SORCS1: variants seen among roughly 807,000 people sequenced by gnomAD.
SORCS1 encodes sortilin related VPS10 domain containing receptor 1.
In SORCS1, 60 loss-of-function variants were observed where a neutral mutation model predicts 146.1. The observed-to-expected ratio is 0.41, with a 90% CI of 0.33 to 0.51. SORCS1 has a LOEUF of 0.51. Among genes scored for constraint, SORCS1 ranks in the 20% least tolerant of loss-of-function variants. The pLI, the probability that SORCS1 is intolerant of heterozygous loss-of-function variation, is 0.21. For missense variants in SORCS1, 1,352 were observed against 1,487.6 expected (o/e 0.91, Z 1.50); for synonymous variants, 637 against 584.0 (o/e 1.09, Z -1.31).
intron 12 of SORCS1, among the ~76,000 whole-genome samples, chr10:106,678,560 A>G (rs1246043067): frequency 6.6e-6 from 1 of 152,218 alleles, no homozygotes; most frequent in Non-Finnish European, 1.5e-5. Context: ...AAACGTCAGT[A>G]GGTTATTAAA....
At chr10:106,996,103 G>A (rs1325188134) in intron 1 of SORCS1, among the ~76,000 whole-genome samples, 1 of 151,904 alleles carries the variant, frequency 6.6e-6, no homozygotes, top group Non-Finnish European at 1.5e-5. Context: ...AGCCAGGCAT[G>A]GTGGCCTGTA....
chr10:106,932,088 G>A (rs1015963784), intron 2 of SORCS1, among the ~76,000 whole-genome samples: 1 of 152,134 alleles, frequency 6.6e-6, no homozygotes, highest in Admixed American at 6.5e-5. Flanking sequence ...ATGGGGAAAG[G>A]TGTCAAGCAG....
chr10:107,031,385 T>C (rs768526301), intron 1 of SORCS1, among the ~76,000 whole-genome samples: 2 of 152,096 alleles, frequency 1.3e-5, no homozygotes, highest in Non-Finnish European at 2.9e-5. Context: ...AAATTAGCAA[T>C]CTGAAAGCAA....
intron 17 of SORCS1, among the ~76,000 whole-genome samples, chr10:106,660,770 C>T (rs1410672813): frequency 2.0e-5 from 3 of 151,754 alleles, no homozygotes; most frequent in South Asian, 4.2e-4. Flanking sequence ...AAAAAAGTCC[C>T]CATTGCATAT....
At chr10:106,876,157 C>A (rs1439709726) in intron 2 of SORCS1, among the ~76,000 whole-genome samples, 2 of 152,112 alleles carry the variant, frequency 1.3e-5, no homozygotes, top group Admixed American at 6.6e-5. Flanking sequence ...CAGGCAATTG[C>A]TGAAGCATTC....
intron 1 of SORCS1, among the ~76,000 whole-genome samples, chr10:107,091,659 G>A (rs948891078): frequency 2.6e-5 from 4 of 152,146 alleles, no homozygotes; most frequent in Non-Finnish European, 5.9e-5. Context: ...AAGTCACCGA[G>A]ATTCAATCAT....
chr10:107,178,274 C>G, the SORCS1 span, among the ~76,000 whole-genome samples: 1 of 152,140 alleles, frequency 6.6e-6, no homozygotes, highest in African/African-American at 2.4e-5. Context: ...ACCCATTAAC[C>G]AACCTCGCTT....
At chr10:107,066,081 G>A (rs1961820469) in intron 1 of SORCS1, among the ~76,000 whole-genome samples, 1 of 151,986 alleles carries the variant, frequency 6.6e-6, no homozygotes, top group South Asian at 2.1e-4. Context: ...GAAGAGAGGT[G>A]GAACTCTTAA....
chr10:106,735,788 T>C (rs1354487902), intron 5 of SORCS1, among the ~76,000 whole-genome samples: 5 of 152,164 alleles, frequency 3.3e-5, no homozygotes, highest in Non-Finnish European at 5.9e-5. Flanking sequence ...AGCCATGAGA[T>C]GGTGCTAAAG....
intron 2 of SORCS1, among the ~76,000 whole-genome samples, chr10:106,949,063 T>C (rs2138871632): frequency 6.6e-6 from 1 of 151,844 alleles, no homozygotes; most frequent in South Asian, 2.1e-4. Flanking sequence ...GAATCTAGAA[T>C]CCAAAAAGCC....
intron 2 of SORCS1, among the ~76,000 whole-genome samples, chr10:106,951,513 GAAA>G (rs367987734): frequency 8.8e-6 from 1 of 113,984 alleles, no homozygotes; most frequent in Non-Finnish European, 1.7e-5. Context: ...CTCCGTCTCT[GAAA>G]AAAAAAAAAA....
At chr10:106,735,236 C>CA (rs1170512660) in intron 5 of SORCS1, among the ~76,000 whole-genome samples, 5 of 151,220 alleles carry the variant, frequency 3.3e-5, no homozygotes, top group African/African-American at 7.3e-5. Context: ...AGTCAATAGA[C>CA]AAAAAATGAG....
At chr10:107,028,598 G>T (rs990819871) in intron 1 of SORCS1, among the ~76,000 whole-genome samples, 1 of 152,216 alleles carries the variant, frequency 6.6e-6, no homozygotes, top group Non-Finnish European at 1.5e-5. Flanking sequence ...TCTTTAGAGA[G>T]ATTAGCAATA....
At chr10:107,152,231 G>C (rs1272208617) in intron 1 of SORCS1, among the ~76,000 whole-genome samples, 1 of 152,232 alleles carries the variant, frequency 6.6e-6, no homozygotes, top group Non-Finnish European at 1.5e-5. Flanking sequence ...CTAGATTTCA[G>C]AGGATGTACA....
intron 2 of SORCS1, among the ~76,000 whole-genome samples, chr10:106,942,507 C>T (rs1589755336): frequency 1.3e-5 from 2 of 152,214 alleles, no homozygotes; most frequent in Non-Finnish European, 2.9e-5. Context: ...CAGCACAGTG[C>T]ATGCCAGCTC....
At chr10:107,093,342 C>T (rs1326596606) in intron 1 of SORCS1, among the ~76,000 whole-genome samples, 1 of 152,178 alleles carries the variant, frequency 6.6e-6, no homozygotes, top group African/African-American at 2.4e-5. Flanking sequence ...ATACCCTCTC[C>T]CCTTCACTCT....
chr10:106,687,520 C>T lies in SORCS1; in HGVS notation c.1560+672G>A, dbSNP rs560231625. Among the ~76,000 whole-genome samples, 9 of 152,180 alleles carry T rather than the reference C, an allele frequency of 5.9e-5. No individual in the cohort carries two copies. The East Asian group carries it at 1.4e-3, about 23-fold the overall frequency. ...TCTCTCTCGTGACTACTCAATTCTGCCTTTGTAGAGTGAAAGCAGCCGTCA... is the reference window on the plus strand; with the variant it reads ...TCTCTCTCGTGACTACTCAATTCTGTCTTTGTAGAGTGAAAGCAGCCGTCA... On this transcript the variant is annotated intron_variant, in intron 10 of 25. Coordinates refer to ENST00000263054, the MANE Select transcript of SORCS1 (RefSeq NM_052918.5).
At chr10:106,941,755 A>G (rs1954053749) in intron 2 of SORCS1, among the ~76,000 whole-genome samples, 1 of 152,246 alleles carries the variant, frequency 6.6e-6, no homozygotes, top group Non-Finnish European at 1.5e-5. Flanking sequence ...CTTCAGAGTA[A>G]GGAGCAGGGT....
At chr10:106,646,689 T>C (rs1849461781) in intron 18 of SORCS1, among the ~76,000 whole-genome samples, 1 of 151,834 alleles carries the variant, frequency 6.6e-6, no homozygotes, top group Admixed American at 6.6e-5. Flanking sequence ...AGAGTGAGAC[T>C]CAAAAAAAAT....
Sources: gnomAD v4.1 joint callset for allele counts (sites outside exome capture counted in the v4.1 genomes callset) on GRCh38, gnomAD v4.1.1 for gene constraint, MANE v1.5 for transcripts, NCBI Gene and HGNC (gene_info 2026-07-23, HGNC 2026-07-21) for gene names.